DRICH1: variants seen among roughly 807,000 people sequenced by gnomAD.
DRICH1 encodes aspartate-rich protein 1.
DRICH1 carries 38 observed loss-of-function variants against 39.5 expected under a neutral mutation model. The ratio of observed to expected loss-of-function variants is 0.96; its 90% CI spans 0.74 to 1.26. The LOEUF (loss-of-function observed/expected upper bound fraction) is 1.26, where lower values mean the gene tolerates loss of function less well. DRICH1 is among the 50% of genes most tolerant of loss of function. DRICH1 has a pLI of 0.00. For synonymous variants in DRICH1, 84 were observed against 99.5 expected, an observed-to-expected ratio of 0.84 and a Z score of 0.93; for missense variants, 279 against 270.4, an observed-to-expected ratio of 1.03 and a Z score of -0.22.
At chr22:23,604,300 C>T (rs555140807), downstream of DRICH1, among the ~76,000 whole-genome samples, 29 of 152,206 alleles carry the variant, frequency 1.9e-4, no homozygotes, top group South Asian at 5.0e-3. Flanking sequence ...TGGAGCTTCT[C>T]GAGGCTCTAT....
intron 8 of DRICH1, 51 bp downstream of exon 8, chr22:23,616,802 T>G: frequency 6.2e-7 from 1 of 1,610,536 alleles, no homozygotes; most frequent in Non-Finnish European, 8.5e-7. Flanking sequence ...TTCCATATAT[T>G]AAAGCCAGCA....
the DRICH1 span, among the ~76,000 whole-genome samples, chr22:23,600,775 C>T: frequency 0.053 from 8,037 of 151,776 alleles, 390 homozygotes; most frequent in African/African-American, 0.12. Flanking sequence ...CGGGTTCACA[C>T]CATTCTCCTG....
the DRICH1 span, among the ~76,000 whole-genome samples, chr22:23,592,060 C>T: frequency 6.6e-6 from 1 of 152,220 alleles, no homozygotes; most frequent in African/African-American, 2.4e-5. Flanking sequence ...CGAGGCACGT[C>T]CTTCCCTCCA....
At chr22:23,600,733 T>C in the DRICH1 span, among the ~76,000 whole-genome samples, 110 of 149,996 alleles carry the variant, frequency 7.3e-4, no homozygotes, top group Non-Finnish European at 1.2e-3. Context: ...AGTGCAGTGG[T>C]GCGATCTCGG....
intron 11 of DRICH1, 28 bp downstream of exon 11, chr22:23,613,261 G>C (rs1927146402): frequency 6.3e-7 from 1 of 1,595,026 alleles, no homozygotes; most frequent in African/African-American, 1.3e-5. Flanking sequence ...TTTTCCCATT[G>C]GGTTTTTGCT....
rs148243178 is a variant in DRICH1 at position 23,618,238 on chromosome 22, C to T, written c.437-581G>A. ...GCACCATTCTCCTACCTCAGCTTCC[C>T]GAGTAGCTGGGACTACAGGCACCCA... On this transcript the variant is annotated intron_variant, in intron 6 of 11. Coordinates refer to ENST00000317749, the MANE Select transcript of DRICH1 (RefSeq NM_016449.4). 2.3e-3 allele frequency among the ~76,000 whole-genome samples: 353 copies of T among 151,632 alleles called. 3 individuals carry two copies. Among genetic ancestry groups the T allele is most frequent in the African/African-American group, 7.9e-3 (326 of 41,318 alleles).
intron 3 of DRICH1, among the ~76,000 whole-genome samples, chr22:23,622,694 T>C (rs1927826050): frequency 1.2e-5 from 1 of 86,778 alleles, no homozygotes; most frequent in Admixed American, 1.1e-4. Context: ...AAAAAGAATA[T>C]GAAAATGCTA....
chr22:23,603,006 C>CT, the DRICH1 span, among the ~76,000 whole-genome samples: 1,951 of 130,012 alleles, frequency 0.015, 34 homozygotes, highest in Non-Finnish European at 0.019. Flanking sequence ...AACACATTTA[C>CT]TTTTTTTTTT....
intron 4 of DRICH1, 90 bp downstream of exon 4, chr22:23,622,001 T>C (rs2123784985): frequency 8.6e-7 from 1 of 1,169,042 alleles, no homozygotes; most frequent in South Asian, 1.2e-5. Flanking sequence ...TATAGCTCCC[T>C]GAGTCCATTC....
In DRICH1 at chr22:23,632,170, G is replaced by A; in HGVS notation, c.-147C>T. The A allele has an allele frequency of 2.3e-6, 3 of 1,323,004 alleles. No homozygotes were observed. The highest frequency in any genetic ancestry group is 3.1e-6 in the Non-Finnish European group (3 of 980,084). 82.0% of individuals were successfully genotyped at this position (1,323,004 alleles called of 1,614,324 possible). On this transcript the variant is annotated 5_prime_UTR_variant, in exon 1 of 12. Coordinates refer to ENST00000317749, the MANE Select transcript of DRICH1 (RefSeq NM_016449.4). ...GATCTGGGTCCTCAGCCCTTATTCT[G>A]CCGCCACCTCCCAAACTAGCTGGTC...
chr22:23,587,185 G>T, the DRICH1 span, among the ~76,000 whole-genome samples: 38 of 152,258 alleles, frequency 2.5e-4, no homozygotes, highest in African/African-American at 8.9e-4. Flanking sequence ...ACTGCCGGGT[G>T]CCCCTCCCCC....
chr22:23,614,143 C>G lies in DRICH1; in HGVS notation c.613G>C (p.Asp205His). ...HKDEEEEDDD[D>H]IHITARIESD... ...AAAAAGGGAGGTCTTACGTGGATGT[C>G]ATCATCATCTTCTTCTTCTTCATCT... The change falls in exon 9 of 12, where the codon GAC becomes CAC. Residue 205 changes from aspartate to histidine, a missense_variant. Physicochemically the swap from Asp to His is moderately conservative, Grantham distance 81. Coordinates refer to ENST00000317749, the MANE Select transcript of DRICH1 (RefSeq NM_016449.4). 1 of 1,610,494 alleles carries G rather than the reference C, an allele frequency of 6.2e-7. No homozygotes were observed.
intron 1 of DRICH1, among the ~76,000 whole-genome samples, chr22:23,630,217 G>C (rs1403371279): frequency 6.6e-6 from 1 of 152,154 alleles, no homozygotes; most frequent in African/African-American, 2.4e-5. Context: ...GGCAATGTTT[G>C]GCACACTTAT....
chr22:23,597,986 C>T, the DRICH1 span, among the ~76,000 whole-genome samples: 1 of 150,478 alleles, frequency 6.6e-6, no homozygotes, highest in Non-Finnish European at 1.5e-5. Context: ...TCCCTTGTCA[C>T]CCTGAGTTCT....
At chr22:23,587,083 T>C in the DRICH1 span, among the ~76,000 whole-genome samples, 2 of 152,200 alleles carry the variant, frequency 1.3e-5, no homozygotes, top group African/African-American at 4.8e-5. Context: ...GCAAGAGTCA[T>C]GTTTGTTTTC....
At chr22:23,620,753 T>C (rs1927675454) in intron 4 of DRICH1, 138 bp from the exon 5 acceptor site, 2 of 956,996 alleles carry the variant, frequency 2.1e-6, no homozygotes, top group Non-Finnish European at 3.4e-6. Context: ...GGCCAAACAT[T>C]CTAGCATAGA....
At chr22:23,619,070 G>A (rs1392003194) in intron 6 of DRICH1, among the ~76,000 whole-genome samples, 1 of 149,248 alleles carries the variant, frequency 6.7e-6, no homozygotes, top group East Asian at 2.0e-4. Flanking sequence ...TACTAGGGAG[G>A]ATAAGGCAGG....
chr22:23,590,549 G>A, the DRICH1 span, among the ~76,000 whole-genome samples: 4 of 152,138 alleles, frequency 2.6e-5, no homozygotes, highest in African/African-American at 4.8e-5. Flanking sequence ...AAAGTGCTGG[G>A]ATTACAGGTG....
chr22:23,605,911 T>C (rs1362373772), downstream of DRICH1, among the ~76,000 whole-genome samples: 1 of 151,898 alleles, frequency 6.6e-6, no homozygotes, highest in Non-Finnish European at 1.5e-5. Flanking sequence ...CGAAATGCCA[T>C]CTTTACAATA....
Sources: allele counts gnomAD v4.1 joint callset (sites outside exome capture counted in the v4.1 genomes callset), GRCh38; gene constraint gnomAD v4.1.1; transcripts MANE v1.5; gene names NCBI Gene and HGNC (gene_info 2026-07-23, HGNC 2026-07-21).